ANXA6: variants seen among roughly 807,000 people sequenced by gnomAD.
ANXA6 encodes the protein 67 kDa calelectrin.
A neutral mutation model predicts 95.4 loss-of-function variants in ANXA6; 71 were observed. The observed-to-expected ratio is 0.74, with a 90% CI of 0.61 to 0.91. The LOEUF is 0.91. ANXA6 is among the 40% of genes least tolerant of loss of function. ANXA6 has a pLI of 0.00. For synonymous variants in ANXA6, 289 were observed against 315.9 expected, an observed-to-expected ratio of 0.91 and a Z score of 0.90; for missense variants, 830 against 876.4, an observed-to-expected ratio of 0.95 and a Z score of 0.67.
At chr5:151,117,328 G>A in intron 19 of ANXA6, 148 bp from the exon 20 acceptor site, 2 of 718,708 alleles carry the variant, frequency 2.8e-6, no homozygotes, top group Non-Finnish European at 4.3e-6. Context: ...TATAAGGTAG[G>A]CTGTTGTGGT....
Position 151,119,382 on chromosome 5 carries a change from G to T in ANXA6, c.1356C>A (p.Gly452=), listed in dbSNP as rs763782625. 6.2e-7 allele frequency: 1 copy of T among 1,613,668 alleles called. No homozygotes were observed. The highest frequency in any genetic ancestry group is 1.3e-5 in the African/African-American group (1 of 74,924). Residue 452 remains glycine, a synonymous_variant, in exon 18 of 26, where the codon GGC becomes GGA. Transcript: ENST00000354546. ...KQLKKAMEGA[G]TDEKALIEIL... ...TTTCAATAAGAGCCTTTTCATCTGT[G>T]CCGGCTCCCTGGAATGTCAAGGCAA...
Position 151,103,648 on chromosome 5 carries a change from G to T in ANXA6, c.1884C>A (p.Ser628=). The T allele has an allele frequency of 1.9e-6, 3 of 1,611,212 alleles. No homozygotes were observed. In the South Asian group the frequency reaches 3.3e-5, roughly 18 times the overall value. ...TGTTGAGCAGGTCAATCTCACTGCG[G>T]GATACCATGATCCTGGTCAGAGTCT... ...DEKTLTRIMV[S]RSEIDLLNIR... is the part of the protein sequence containing the mutation. Residue 628 remains serine, a synonymous_variant, in exon 25 of 26, where the codon TCC becomes TCA. Transcript: ENST00000354546.
chr5:151,103,491 T>G, intron 25 of ANXA6, 79 bp downstream of exon 25: 1 of 1,448,618 alleles, frequency 6.9e-7, no homozygotes, highest in Non-Finnish European at 9.3e-7. Context: ...AAAAAGTCCA[T>G]GGGAATAAAG....
chr5:151,103,171 A>C (rs1356236568), intron 25 of ANXA6, among the ~76,000 whole-genome samples: 2 of 151,968 alleles, frequency 1.3e-5, no homozygotes, highest in Non-Finnish European at 2.9e-5. Flanking sequence ...TAATTTTTGT[A>C]TTTTTAGTAG....
At chr5:151,139,679 C>T (rs1201447663) in intron 3 of ANXA6, among the ~76,000 whole-genome samples, 1 of 152,196 alleles carries the variant, frequency 6.6e-6, no homozygotes. Flanking sequence ...TGATCCAGCT[C>T]CTCACTGCAC....
At chr5:151,131,152 C>T in intron 11 of ANXA6, 79 bp downstream of exon 11, 1 of 1,492,074 alleles carries the variant, frequency 6.7e-7, no homozygotes, top group South Asian at 1.2e-5. Flanking sequence ...CTCTCTTTGG[C>T]CACTGGATCC....
chr5:151,122,059 G>T, intron 17 of ANXA6, 88 bp downstream of exon 17: 1 of 771,064 alleles, frequency 1.3e-6, no homozygotes, highest in Non-Finnish European at 2.0e-6. Context: ...CTACCAAGAA[G>T]TTACAGCTAA....
intron 1 of ANXA6, among the ~76,000 whole-genome samples, chr5:151,156,484 C>T (rs1183359194): frequency 6.6e-6 from 1 of 152,118 alleles, no homozygotes; most frequent in Non-Finnish European, 1.5e-5. Flanking sequence ...TGAAGGGCTA[C>T]GCAGGTCAGG....
intron 1 of ANXA6, 96 bp from the exon 2 acceptor site, chr5:151,148,022 C>T: frequency 1.6e-6 from 2 of 1,250,240 alleles, no homozygotes; most frequent in Non-Finnish European, 2.3e-6. Flanking sequence ...TTCCAGCTGC[C>T]CCCAGCCCTT....
At chr5:151,115,448 T>C (rs1764971787) in intron 20 of ANXA6, among the ~76,000 whole-genome samples, 1 of 152,126 alleles carries the variant, frequency 6.6e-6, no homozygotes, top group African/African-American at 2.4e-5. Flanking sequence ...TCTCCACTTC[T>C]CTCCTTTTGC....
chr5:151,117,928 G>C, intron 18 of ANXA6, 91 bp from the exon 19 acceptor site: 1 of 1,009,980 alleles, frequency 9.9e-7, no homozygotes, highest in South Asian at 1.4e-5. Flanking sequence ...CTTGAGCCAG[G>C]GCAGTATTGG....
intron 20 of ANXA6, among the ~76,000 whole-genome samples, chr5:151,111,339 C>A (rs572978781): frequency 6.6e-6 from 1 of 152,314 alleles, no homozygotes; most frequent in Admixed American, 6.5e-5. Context: ...ACCTAGGCTG[C>A]GTATTGCTTT....
intron 17 of ANXA6, 38 bp downstream of exon 17, chr5:151,122,109 C>T: frequency 1.5e-6 from 2 of 1,373,744 alleles, no homozygotes; most frequent in Non-Finnish European, 2.0e-6. Flanking sequence ...TCCCTATTGG[C>T]ACCCGCAGAC....
intron 2 of ANXA6, among the ~76,000 whole-genome samples, chr5:151,147,196 T>C (rs1266609413): frequency 6.6e-6 from 1 of 152,202 alleles, no homozygotes; most frequent in Non-Finnish European, 1.5e-5. Context: ...CAGTCAGACA[T>C]GAGAGACTGA....
chr5:151,127,732 G>A (rs1178145358), intron 13 of ANXA6, among the ~76,000 whole-genome samples: 3 of 152,306 alleles, frequency 2.0e-5, no homozygotes, highest in East Asian at 1.9e-4. Context: ...ACCCTTCTGC[G>A]CTGTGGCCTT....
chr5:151,129,372 T>A (rs1765425469), intron 12 of ANXA6, 35 bp downstream of exon 12: 1 of 1,610,900 alleles, frequency 6.2e-7, no homozygotes, highest in Non-Finnish European at 8.5e-7. Flanking sequence ...AAAAAGCTCT[T>A]TGCTCCCTTC....
At chr5:151,123,103 G>A (rs1161559678) in intron 15 of ANXA6, 92 bp from the exon 16 acceptor site, 2 of 1,147,118 alleles carry the variant, frequency 1.7e-6, no homozygotes, top group Admixed American at 1.7e-5. Flanking sequence ...ATCGATCTTT[G>A]TCAGGGTAGA....
At chr5:151,143,602 G>T (rs883887) in intron 2 of ANXA6, among the ~76,000 whole-genome samples, 2 of 151,870 alleles carry the variant, frequency 1.3e-5, no homozygotes, top group Non-Finnish European at 1.5e-5. Context: ...ATACATGACA[G>T]CTTCAACTAC....
intron 2 of ANXA6, among the ~76,000 whole-genome samples, chr5:151,145,461 C>A (rs1252248278): frequency 6.6e-6 from 1 of 152,206 alleles, no homozygotes; most frequent in African/African-American, 2.4e-5. Flanking sequence ...CCTCCTGGGT[C>A]TTCCATGGCA....
Sources: allele counts gnomAD v4.1 joint callset (sites outside exome capture counted in the v4.1 genomes callset), GRCh38; gene constraint gnomAD v4.1.1; transcripts MANE v1.5; gene names NCBI Gene and HGNC (gene_info 2026-07-23, HGNC 2026-07-21).